FERMT2: variants seen among roughly 807,000 people sequenced by gnomAD.
The protein encoded by FERMT2 is FERM domain containing kindlin 2.
A neutral mutation model predicts 82.7 loss-of-function variants in FERMT2; 15 were observed. The ratio of observed to expected loss-of-function variants is 0.18; its 90% CI spans 0.12 to 0.28. FERMT2 has a LOEUF of 0.28. FERMT2 is among the 10% of genes least tolerant of loss of function. The pLI is 1.00. For missense variants in FERMT2, 645 were observed against 809.4 expected (o/e 0.80, Z 2.46); for synonymous variants, 274 against 271.5 (o/e 1.01, Z -0.09).
chr14:52,876,976 A>G (rs1289810956), intron 7 of FERMT2, among the ~76,000 whole-genome samples: 1 of 152,110 alleles, frequency 6.6e-6, no homozygotes, highest in African/African-American at 2.4e-5. Context: ...AGACCATTCC[A>G]TTTCCATGAA....
At chr14:52,920,410 C>T (rs1243662239) in intron 2 of FERMT2, among the ~76,000 whole-genome samples, 2 of 152,022 alleles carry the variant, frequency 1.3e-5, no homozygotes, top group African/African-American at 4.8e-5. Context: ...GCTGGAGGAT[C>T]GCTTGAGCCC....
chr14:52,904,327 G>C (rs1887855456), intron 3 of FERMT2, among the ~76,000 whole-genome samples: 1 of 152,240 alleles, frequency 6.6e-6, no homozygotes, highest in South Asian at 2.1e-4. Flanking sequence ...GACCAGCCTG[G>C]CCAACGTGGT....
chr14:52,942,976 GC>G, intron 2 of FERMT2, among the ~76,000 whole-genome samples: 1 of 152,112 alleles, frequency 6.6e-6, no homozygotes, highest in Non-Finnish European at 1.5e-5. Context: ...ACCTTGGGAG[GC>G]CGAGGTGGGC....
rs530358498 is a variant in FERMT2, at chr14:52,933,099, T to TA, written c.158-13744dup. 3.3e-3 allele frequency among the ~76,000 whole-genome samples: 501 copies of TA among 152,256 alleles called. 5 individuals carry two copies. Among genetic ancestry groups the TA allele is most frequent in the African/African-American group, 0.011 (465 of 41,550 alleles). On this transcript the variant is annotated intron_variant, in intron 2 of 14. Coordinates refer to ENST00000341590, the MANE Select transcript of FERMT2 (RefSeq NM_006832.3). Reference sequence around the variant, plus strand: ...TCTGCCCCCACCCCATCCAGCAAAGTAAGGAAAGGCCTACACCAAGATCAC... The same window carrying TA: ...TCTGCCCCCACCCCATCCAGCAAAGTAAAGGAAAGGCCTACACCAAGATCAC...
intron 4 of FERMT2, among the ~76,000 whole-genome samples, chr14:52,890,818 G>C (rs550024395): frequency 2.0e-5 from 3 of 152,064 alleles, no homozygotes; most frequent in African/African-American, 7.2e-5. Context: ...GGTCAGGCTG[G>C]TCTCGAACTC....
chr14:52,949,226 C>T (rs573129280), intron 2 of FERMT2, among the ~76,000 whole-genome samples: 122 of 152,224 alleles, frequency 8.0e-4, no homozygotes, highest in Non-Finnish European at 1.4e-3. Flanking sequence ...CAAAGCAGGT[C>T]CACCCAAATG....
chr14:52,907,757 CA>C (rs1442367477), intron 3 of FERMT2, among the ~76,000 whole-genome samples: 1 of 151,152 alleles, frequency 6.6e-6, no homozygotes, highest in Non-Finnish European at 1.5e-5. Context: ...TGAATATAAT[CA>C]AAACAACCAC....
rs1381909346 is a variant in FERMT2, at chr14:52,880,987, A to T, written c.855+49T>A. On this transcript the variant is annotated intron_variant, in intron 6 of 14. Coordinates refer to ENST00000341590, the MANE Select transcript of FERMT2 (RefSeq NM_006832.3). ...TCCAAAAACAAACATCCATGTGAAC[A>T]AAACAAATTAATGGGGAAAAAAAAA... The T allele has an allele frequency of 7.3e-6, 9 of 1,236,764 alleles. No individual in the cohort carries two copies. In the East Asian group the frequency reaches 1.9e-4, roughly 26 times the overall value. 76.6% of individuals were successfully genotyped at this position (1,236,764 alleles called of 1,614,324 possible).
At chr14:52,872,657 A>G (rs1885697114) in intron 10 of FERMT2, 142 bp downstream of exon 10, 1 of 715,056 alleles carries the variant, frequency 1.4e-6, no homozygotes, top group Non-Finnish European at 2.3e-6. Flanking sequence ...TAAAAGAGAC[A>G]TATCTAAACA....
chr14:52,896,930 A>G (rs1185753917), intron 3 of FERMT2, among the ~76,000 whole-genome samples: 1 of 151,728 alleles, frequency 6.6e-6, no homozygotes, highest in Admixed American at 6.6e-5. Context: ...TGGAAGCTGC[A>G]GTGAGCCGTG....
intron 4 of FERMT2, among the ~76,000 whole-genome samples, chr14:52,885,265 A>G (rs1886527635): frequency 7.1e-6 from 1 of 140,666 alleles, no homozygotes; most frequent in Non-Finnish European, 1.5e-5. Flanking sequence ...GTGAGCCAAG[A>G]TCACACCACT....
chr14:52,861,190 G>T (rs1884908289), intron 12 of FERMT2: 1 of 593,952 alleles, frequency 1.7e-6, no homozygotes, highest in East Asian at 3.1e-5. Flanking sequence ...TAGAAACCAA[G>T]CAAAGTAAAT....
chr14:52,897,445 A>G (rs927143375), intron 3 of FERMT2, among the ~76,000 whole-genome samples: 1 of 152,070 alleles, frequency 6.6e-6, no homozygotes, highest in Non-Finnish European at 1.5e-5. Context: ...CGTGTTTTTA[A>G]TAATTTATAT....
At chr14:52,875,933 G>A (rs1313300323) in intron 7 of FERMT2, among the ~76,000 whole-genome samples, 1 of 152,150 alleles carries the variant, frequency 6.6e-6, no homozygotes. Context: ...ATACGTGGGT[G>A]GGGTGGGGGC....
At chr14:52,860,097 G>GT (rs1331336936) in intron 13 of FERMT2, 2 of 393,658 alleles carry the variant, frequency 5.1e-6, no homozygotes, top group African/African-American at 2.1e-5. Flanking sequence ...GATTACAGGC[G>GT]TGAGCCACCG....
chr14:52,895,430 G>A (rs993135879), intron 3 of FERMT2, among the ~76,000 whole-genome samples: 6 of 152,020 alleles, frequency 3.9e-5, no homozygotes, highest in African/African-American at 1.4e-4. Context: ...TAACCCAGAT[G>A]GATAAACAAA....
chr14:52,858,641 TCACAA>T (rs1300911350), intron 14 of FERMT2, 91 bp from the exon 15 acceptor site: 1 of 1,140,336 alleles, frequency 8.8e-7, no homozygotes, highest in Non-Finnish European at 1.3e-6. Context: ...GTCTGTCATA[TCACAA>T]AACACTTGTT....
At chr14:52,892,159 G>GTTTTTGGTTT in intron 4 of FERMT2, among the ~76,000 whole-genome samples, 1 of 78,828 alleles carries the variant, frequency 1.3e-5, no homozygotes, top group African/African-American at 3.9e-5. Context: ...AGAGAAGGCT[G>GTTTTTGGTTT]TTTTTTGTTT....
chr14:52,857,798 T>C lies in FERMT2; in HGVS notation c.*579A>G, dbSNP rs891980446. On this transcript the variant is annotated 3_prime_UTR_variant, in exon 15 of 15. Coordinates refer to ENST00000341590, the MANE Select transcript of FERMT2 (RefSeq NM_006832.3). ...GTGTAAAAATAAAAACACGAGACAATATACATAACATGCTTATTCAAGGAC... is the reference window on the plus strand; with the variant it reads ...GTGTAAAAATAAAAACACGAGACAACATACATAACATGCTTATTCAAGGAC... The C allele has an allele frequency of 3.3e-5, 5 of 152,940 alleles. No individual in the cohort carries two copies. The highest frequency in any genetic ancestry group is 2.0e-4 in the Admixed American group (3 of 15,370). The allele number at this position is 152,940 out of a possible 1,614,324, so 9.5% of individuals were successfully genotyped here. A position where few individuals can be genotyped will look rare whatever the true frequency, so the allele number is the denominator to read the frequency against.
Sources: allele counts gnomAD v4.1 joint callset (sites outside exome capture counted in the v4.1 genomes callset), GRCh38; gene constraint gnomAD v4.1.1; transcripts MANE v1.5; gene names NCBI Gene and HGNC (gene_info 2026-07-23, HGNC 2026-07-21).